MYO7A: variants seen among roughly 807,000 people sequenced by gnomAD.
MYO7A encodes the protein unconventional myosin-VIIa.
MYO7A carries 210 observed loss-of-function variants against 263.8 expected under a neutral mutation model. The observed-to-expected ratio is 0.80, with a 90% CI of 0.71 to 0.89. The LOEUF is 0.89. Ranked by LOEUF, MYO7A falls within the 40% of genes least tolerant of loss-of-function variation. MYO7A has a pLI of 0.00. For missense variants in MYO7A, 2,820 were observed against 2,968.3 expected (o/e 0.95, Z 1.16); for synonymous variants, 1,239 against 1,197.3 (o/e 1.03, Z -0.72).
At position 77,206,172 on chromosome 11, in the gene MYO7A, C is replaced by T. The variant is rs1957434573; in HGVS notation, c.5712C>T (p.His1904=). ...AIQHKTTQIF[H]KVYFPDDTDE... The stretch of plus-strand genomic sequence containing the variant: ...AGCACAAGACCACCCAGATTTTCCA[C>T]AAAGTCTACTTCCCTGATGACACTG... The change falls in exon 41 of 49, where the codon CAC becomes CAT. Residue 1904 remains histidine (H), a synonymous_variant. Coordinates refer to ENST00000409709, the MANE Select transcript of MYO7A (RefSeq NM_000260.4). 6.2e-7 allele frequency: 1 copy of T among 1,613,404 alleles called. No homozygotes were observed. Among genetic ancestry groups the T allele is most frequent in the Non-Finnish European group, 8.5e-7 (1 of 1,179,644 alleles).
rs759083831 is a variant in MYO7A, at chr11:77,207,379, C to T, written c.5833C>T (p.Leu1945Phe). ...LLLKSSEGFS[L>F]FVKIADKVLS... ...CCTCAAGTCCTCAGAGGGATTCAGC[C>T]TCTTTGTCAAAATTGCAGACAAGGT... Residue 1945 changes from leucine (L) to phenylalanine (F), a missense_variant, in exon 42 of 49, where the codon CTC (leucine) becomes TTC (phenylalanine). Transcript: ENST00000409709. The T allele has an allele frequency of 3.1e-6, 5 of 1,610,006 alleles. No individual in the cohort carries two copies. The Admixed American group carries it at 6.7e-5, about 22-fold the overall frequency.
At chr11:77,184,505 G>A (rs1591392107) in intron 26 of MYO7A, 83 bp from the exon 27 acceptor site, 2 of 1,214,598 alleles carry the variant, frequency 1.6e-6, no homozygotes, top group Non-Finnish European at 2.3e-6. Context: ...TTTCTGGGGA[G>A]CAGGCAGCCT....
chr11:77,154,131 G>T (rs564564048), intron 4 of MYO7A, among the ~76,000 whole-genome samples: 1 of 152,318 alleles, frequency 6.6e-6, no homozygotes, highest in East Asian at 1.9e-4. Context: ...AGAAAGGAAG[G>T]TGGCGTTTAT....
intron 35 of MYO7A, 112 bp from the exon 36 acceptor site, chr11:77,201,336 G>A: frequency 9.5e-7 from 1 of 1,050,526 alleles, no homozygotes; most frequent in Non-Finnish European, 1.4e-6. Context: ...CAAGGTGGAG[G>A]CAGAGTGGCA....
chr11:77,191,943 C>A (rs1956111973), intron 30 of MYO7A, 108 bp from the exon 31 acceptor site: 2 of 970,588 alleles, frequency 2.1e-6, no homozygotes, highest in Non-Finnish European at 3.1e-6. Context: ...GTGTCCCTGC[C>A]CCTCGCTGGG....
intron 2 of MYO7A, among the ~76,000 whole-genome samples, chr11:77,141,224 C>G (rs563219426): frequency 2.2e-4 from 34 of 152,318 alleles, no homozygotes; most frequent in Middle Eastern, 3.4e-3. Flanking sequence ...ATGACTGTAG[C>G]TGGTTCTGAT....
intron 4 of MYO7A, 42 bp downstream of exon 4, chr11:77,147,992 G>T: frequency 1.4e-6 from 2 of 1,460,198 alleles, no homozygotes; most frequent in East Asian, 2.7e-5. Context: ...GCCCCCTCAG[G>T]CCCCGCCCCG....
At position 77,179,808 on chromosome 11, in the gene MYO7A, G is replaced by T; in HGVS notation, c.2441G>T (p.Arg814Leu). 6.5e-7 allele frequency: 1 copy of T among 1,547,722 alleles called. No individual in the cohort carries two copies. Among genetic ancestry groups the T allele is most frequent in the Non-Finnish European group, 8.7e-7 (1 of 1,148,666 alleles). ...CTGCACCAGCAGTACCGCCTGGCCC[G>T]CCAGCGCATCATCCAGTTCCAGGCC... is the stretch of plus-strand genomic sequence containing the variant. ...RKLHQQYRLARQRIIQFQARC... is the reference protein window; with the variant it reads ...RKLHQQYRLALQRIIQFQARC... The change falls in exon 21 of 49, where the codon CGC (arginine) becomes CTC (leucine). Residue 814 changes from arginine (R) to leucine (L), a missense_variant. Coordinates refer to ENST00000409709, the MANE Select transcript of MYO7A (RefSeq NM_000260.4).
In MYO7A at chr11:77,156,858, G is replaced by A. The variant is rs876657534; in HGVS notation, c.593-4G>A. The A allele has an allele frequency of 3.3e-5, 54 of 1,613,836 alleles. No homozygotes were observed. Among genetic ancestry groups the A allele is most frequent in the Non-Finnish European group, 3.9e-5 (46 of 1,179,890 alleles). On this transcript the variant is annotated splice_polypyrimidine_tract_variant and splice_region_variant and intron_variant, in intron 6 of 48. Coordinates refer to ENST00000409709, the MANE Select transcript of MYO7A (RefSeq NM_000260.4). ...TTGCCAGTGACACCCTACTCACTCC[G>A]CAGCATTTGGGAATGCCAAGACCAT...
rs115989041 is a variant in MYO7A, at chr11:77,187,838, G to A, written c.3504-1506G>A. ...GACCAAGCCCCACTTTCCTGATGGG[G>A]AAACTGAGGTCCAGAGTAGGGAAGA... On this transcript the variant is annotated intron_variant, in intron 27 of 48. Transcript: ENST00000409709. Among the ~76,000 whole-genome samples the A allele has an allele frequency of 7.2e-3, 1,090 of 152,300 alleles. 15 individuals are homozygous for A. Among genetic ancestry groups the A allele is most frequent in the African/African-American group, 0.025 (1,057 of 41,556 alleles).
intron 27 of MYO7A, among the ~76,000 whole-genome samples, chr11:77,187,423 G>A (rs1955727939): frequency 3.9e-5 from 6 of 152,216 alleles, no homozygotes; most frequent in Admixed American, 3.9e-4. Context: ...TGAAAACTGT[G>A]TAGCACCAGA....
Position 77,160,271 on chromosome 11 carries a change from G to A in MYO7A, c.1189G>A (p.Ala397Thr), listed in dbSNP as rs1297886521. The A allele has an allele frequency of 7.0e-6, 11 of 1,564,278 alleles. No individual in the cohort carries two copies. The highest frequency in any genetic ancestry group is 1.9e-5 in the Admixed American group (1 of 53,116). ...GGAACAGGCACTGGACGTGCGCGAC[G>A]CCTTCGTAAAGGTGGGCTGGAGGGA... is the stretch of plus-strand genomic sequence containing the variant. ...SREQALDVRD[A>T]FVKGIYGRLF... Residue 397 changes from alanine (A) to threonine (T), a missense_variant, in exon 11 of 49, where the codon GCC becomes ACC. Coordinates refer to ENST00000409709, the MANE Select transcript of MYO7A (RefSeq NM_000260.4).
intron 48 of MYO7A, 62 bp from the exon 49 acceptor site, chr11:77,214,545 T>C (rs1958040488): frequency 3.2e-6 from 4 of 1,232,572 alleles, no homozygotes; most frequent in African/African-American, 3.0e-5. Context: ...AGCTGTGCTA[T>C]GGTCTGAGTG....
At chr11:77,189,514 C>A (rs1555090520) in intron 28 of MYO7A, 44 bp downstream of exon 28, 2 of 1,611,590 alleles carry the variant, frequency 1.2e-6, no homozygotes, top group Non-Finnish European at 8.5e-7. Context: ...GGGAGCTAGG[C>A]CCTGTCCCAG....
intron 18 of MYO7A, 23 bp from the exon 19 acceptor site, chr11:77,177,526 T>C (rs782475347): frequency 6.3e-7 from 1 of 1,592,312 alleles, no homozygotes; most frequent in East Asian, 2.3e-5. Flanking sequence ...TGTGGGGCGC[T>C]GCTCAGGAGC....
intron 38 of MYO7A, 34 bp downstream of exon 38, chr11:77,203,251 C>G (rs1957197686): frequency 6.5e-7 from 1 of 1,542,108 alleles, no homozygotes; most frequent in Non-Finnish European, 8.8e-7. Context: ...CCAGGGGAGC[C>G]AGGGACCGGG....
intron 43 of MYO7A, 51 bp downstream of exon 43, chr11:77,208,568 G>GCCACA: frequency 6.4e-7 from 1 of 1,574,202 alleles, no homozygotes; most frequent in Non-Finnish European, 8.7e-7. Flanking sequence ...AGGGAAGTGT[G>GCCACA]GGCTCGGGGC....
In MYO7A at chr11:77,147,781, G is replaced by T. The variant is rs377567056; in HGVS notation, c.133-17G>T. The T allele has an allele frequency of 5.0e-6, 8 of 1,607,096 alleles. No individual in the cohort carries two copies. The highest frequency in any genetic ancestry group is 6.8e-6 in the Non-Finnish European group (8 of 1,177,804). On this transcript the variant is annotated splice_polypyrimidine_tract_variant and intron_variant, in intron 3 of 48. Coordinates refer to ENST00000409709, the MANE Select transcript of MYO7A (RefSeq NM_000260.4). The stretch of plus-strand genomic sequence containing the variant: ...CTGGGCCCCAGGAGAGCACGCTGAC[G>T]TTCTGGCTCCCCGCAGGAACACTGG...
Position 77,160,955 on chromosome 11 carries a change from C to A in MYO7A, c.1201-18C>A. ...GGGAGGGTGTGGCTGGTGCCAGTGG[C>A]TGATCACTGCCTTTCAGGGGATCTA... On this transcript the variant is annotated intron_variant, in intron 11 of 48. Transcript: ENST00000409709. The A allele has an allele frequency of 6.3e-7, 1 of 1,582,984 alleles. No homozygotes were observed. The highest frequency in any genetic ancestry group is 1.3e-5 in the African/African-American group (1 of 74,172).
Sources: allele counts gnomAD v4.1 joint callset (sites outside exome capture counted in the v4.1 genomes callset), GRCh38; gene constraint gnomAD v4.1.1; transcripts MANE v1.5; gene names NCBI Gene and HGNC (gene_info 2026-07-23, HGNC 2026-07-21).